Variants in PAIP1 observed in about 807,000 individuals in gnomAD.
The protein encoded by PAIP1 is poly(A) binding protein interacting protein 1.
In PAIP1, 16 loss-of-function variants were observed where a neutral mutation model predicts 61.3. The ratio of observed to expected loss-of-function variants is 0.26; its 90% CI spans 0.18 to 0.40. PAIP1 has a LOEUF of 0.40. Ranked by LOEUF, PAIP1 falls within the 10% of genes least tolerant of loss-of-function variation. PAIP1 has a pLI of 1.00. For missense variants in PAIP1, 416 were observed against 600.9 expected (o/e 0.69, Z 3.22); for synonymous variants, 187 against 226.2 (o/e 0.83, Z 1.56).
At chr5:43,555,295 C>T (rs1748016893) in intron 2 of PAIP1, among the ~76,000 whole-genome samples, 1 of 152,220 alleles carries the variant, frequency 6.6e-6, no homozygotes, top group South Asian at 2.1e-4. Flanking sequence ...GCTAAAGTAT[C>T]ATCAATCATT....
At chr5:43,542,403 G>A (rs186434794) in intron 4 of PAIP1, among the ~76,000 whole-genome samples, 36 of 151,496 alleles carry the variant, frequency 2.4e-4, no homozygotes, top group African/African-American at 8.7e-4. Flanking sequence ...ATGGTGGCGG[G>A]TGCCTGTAGT....
intron 2 of PAIP1, among the ~76,000 whole-genome samples, chr5:43,554,152 C>T (rs556773126): frequency 3.4e-4 from 52 of 152,004 alleles, no homozygotes; most frequent in Non-Finnish European, 2.2e-4. Flanking sequence ...ATATACTGCT[C>T]GACAGCCCCA....
intron 4 of PAIP1, among the ~76,000 whole-genome samples, chr5:43,542,598 G>C (rs909481097): frequency 6.7e-6 from 1 of 149,984 alleles, no homozygotes; most frequent in Non-Finnish European, 1.5e-5. Context: ...AAAAGGAACA[G>C]AATAAGTGAT....
Position 43,549,033 on chromosome 5 carries a change from C to T in PAIP1, c.436-1120G>A, listed in dbSNP as rs557219119. ...TTGGCTCACTGCAACCTCCGCCTCC[C>T]GGGTTCAAGCTATTCCTGTACCTCA... On this transcript the variant is annotated intron_variant, in intron 2 of 10. Transcript: ENST00000306846. Among the ~76,000 whole-genome samples the T allele has an allele frequency of 3.8e-4, 58 of 152,268 alleles. 1 individual carries two copies. The highest frequency in any genetic ancestry group is 1.2e-3 in the African/African-American group (51 of 41,538).
intron 7 of PAIP1, among the ~76,000 whole-genome samples, 180 bp downstream of exon 7, chr5:43,535,354 A>C (rs997721481): frequency 1.3e-5 from 2 of 152,234 alleles, no homozygotes; most frequent in African/African-American, 4.8e-5. Context: ...CACGTCTATC[A>C]CAAAAATGTC....
At chr5:43,552,994 G>C (rs1747923160) in intron 2 of PAIP1, among the ~76,000 whole-genome samples, 1 of 152,192 alleles carries the variant, frequency 6.6e-6, no homozygotes, top group African/African-American at 2.4e-5. Flanking sequence ...ATTGGAGAAT[G>C]ATACTACTGC....
chr5:43,557,137 A>C (rs1748132985), upstream of PAIP1: 5 of 361,232 alleles, frequency 1.4e-5, no homozygotes, highest in Admixed American at 5.2e-5. Context: ...GGCGGGTCAC[A>C]GCGGCCCCCT....
intron 4 of PAIP1, among the ~76,000 whole-genome samples, chr5:43,542,174 T>G (rs1747440816): frequency 6.9e-6 from 1 of 145,248 alleles, no homozygotes; most frequent in Non-Finnish European, 1.5e-5. Context: ...AGACTCGGTC[T>G]CGGAAAAAAA....
Position 43,527,358 on chromosome 5 carries a change from A to C in PAIP1, c.*18T>G. 1.3e-6 allele frequency: 2 copies of C among 1,575,006 alleles called. No individual in the cohort carries two copies. Among genetic ancestry groups the C allele is most frequent in the African/African-American group, 2.7e-5 (2 of 73,136 alleles). On this transcript the variant is annotated 3_prime_UTR_variant, in exon 11 of 11. Coordinates refer to ENST00000306846, the MANE Select transcript of PAIP1 (RefSeq NM_006451.5). Reference sequence around the variant, plus strand: ...ATACCTAAACTGCTTTATAAAACTGATATGCTGAAATTTAACTTTACTGTT... The same window carrying C: ...ATACCTAAACTGCTTTATAAAACTGCTATGCTGAAATTTAACTTTACTGTT...
intron 2 of PAIP1, among the ~76,000 whole-genome samples, chr5:43,549,446 C>A (rs967813812): frequency 6.6e-6 from 1 of 151,958 alleles, no homozygotes; most frequent in Non-Finnish European, 1.5e-5. Flanking sequence ...ATAGTGAATA[C>A]GTCTCACGAG....
Position 43,538,937 on chromosome 5 carries a change from T to A in PAIP1, c.833A>T (p.Tyr278Phe), listed in dbSNP as rs781392602. The change falls in exon 5 of 11, where the codon TAT becomes TTT. Residue 278 changes from tyrosine to phenylalanine, a missense_variant. This residue lies in a region of PAIP1 where 135 missense variants were observed against 283.9 expected (regional missense o/e 0.48). Coordinates refer to ENST00000306846, the MANE Select transcript of PAIP1 (RefSeq NM_006451.5). Reference protein sequence around the residue: ...HAFVLFLGELYLNLEIKGTNG... With the variant: ...HAFVLFLGELFLNLEIKGTNG... ...AAAACTTCTCACCTCCAGGTTAAGA[T>A]AAAGTTCTCCCAGAAAGAGTACAAA... 2 of 1,599,450 alleles carry A rather than the reference T, an allele frequency of 1.3e-6. No individual in the cohort carries two copies. Among genetic ancestry groups the A allele is most frequent in the Admixed American group, 1.7e-5 (1 of 59,974 alleles).
At chr5:43,544,806 G>A (rs748940031) in intron 3 of PAIP1, among the ~76,000 whole-genome samples, 2 of 152,128 alleles carry the variant, frequency 1.3e-5, no homozygotes, top group Non-Finnish European at 2.9e-5. Flanking sequence ...CCCTTCAGCT[G>A]TAATATACTT....
intron 2 of PAIP1, among the ~76,000 whole-genome samples, chr5:43,548,950 T>C (rs998045857): frequency 6.6e-6 from 1 of 152,178 alleles, no homozygotes; most frequent in Non-Finnish European, 1.5e-5. Flanking sequence ...AGACAGTCTT[T>C]TTTTTTCTTT....
At chr5:43,532,713 C>G (rs1746989111) in intron 9 of PAIP1, among the ~76,000 whole-genome samples, 1 of 152,110 alleles carries the variant, frequency 6.6e-6, no homozygotes, top group Non-Finnish European at 1.5e-5. Flanking sequence ...AACCAAAACC[C>G]TCAGCTAAGA....
At chr5:43,552,274 G>A (rs1277980150) in intron 2 of PAIP1, among the ~76,000 whole-genome samples, 1 of 152,210 alleles carries the variant, frequency 6.6e-6, no homozygotes, top group Admixed American at 6.5e-5. Flanking sequence ...CTTAGTGTAA[G>A]CAGCTAGTTA....
intron 3 of PAIP1, among the ~76,000 whole-genome samples, chr5:43,546,294 C>T (rs531779763): frequency 1.3e-5 from 2 of 152,330 alleles, no homozygotes; most frequent in Non-Finnish European, 2.9e-5. Flanking sequence ...AGTATAATTA[C>T]GCAGCCTACT....
At chr5:43,549,937 T>C (rs1747797639) in intron 2 of PAIP1, among the ~76,000 whole-genome samples, 1 of 152,132 alleles carries the variant, frequency 6.6e-6, no homozygotes, top group South Asian at 2.1e-4. Context: ...TTGATCAGGA[T>C]GGTCTCAAAC....
At chr5:43,532,993 A>G (rs1443315474) in intron 9 of PAIP1, among the ~76,000 whole-genome samples, 1 of 152,234 alleles carries the variant, frequency 6.6e-6, no homozygotes, top group Non-Finnish European at 1.5e-5. Context: ...GCTGATGGGA[A>G]GATTAAGTGG....
intron 2 of PAIP1, among the ~76,000 whole-genome samples, chr5:43,548,983 C>T (rs1286274221): frequency 6.6e-6 from 1 of 152,160 alleles, no homozygotes; most frequent in Non-Finnish European, 1.5e-5. Flanking sequence ...TTCTGTCGCC[C>T]AGGCTGGAGT....
Sources: gnomAD v4.1 joint callset for allele counts (sites outside exome capture counted in the v4.1 genomes callset) on GRCh38, gnomAD v4.1.1 for gene constraint, gnomAD v4.1.1 regional missense constraint, MANE v1.5 for transcripts, NCBI Gene and HGNC (gene_info 2026-07-23, HGNC 2026-07-21) for gene names.